Variants in TRAPPC6B observed in about 807,000 individuals in gnomAD.
TRAPPC6B encodes trafficking protein particle complex subunit 6B.
Under a neutral mutation model 24.7 loss-of-function variants are expected in TRAPPC6B, and 27 were observed. The ratio of observed to expected loss-of-function variants is 1.09; its 90% confidence interval spans 0.81 to 1.51. The LOEUF (loss-of-function observed/expected upper bound fraction) is 1.51, where lower values mean the gene tolerates loss of function less well. Among genes scored for constraint, TRAPPC6B ranks in the 40% most tolerant of loss-of-function variants. The pLI, the probability that TRAPPC6B is intolerant of heterozygous loss-of-function variation, is 0.00. For synonymous variants in TRAPPC6B, 80 were observed against 66.6 expected (o/e 1.20, Z -0.98); for missense variants, 212 against 190.8 (o/e 1.11, Z -0.66).
At chr14:39,163,782 G>T (rs1452196489) in intron 1 of TRAPPC6B, among the ~76,000 whole-genome samples, 1 of 150,880 alleles carries the variant, frequency 6.6e-6, no homozygotes, top group Non-Finnish European at 1.5e-5. Context: ...TTAAATCTGC[G>T]TTTCTAGTAC....
At chr14:39,168,777 A>C (rs181146355) in intron 1 of TRAPPC6B, among the ~76,000 whole-genome samples, 9 of 152,226 alleles carry the variant, frequency 5.9e-5, no homozygotes, top group Non-Finnish European at 8.8e-5. Context: ...TTTTCTCACT[A>C]TCCCTGTCTT....
chr14:39,164,007 G>A (rs1051749708), intron 1 of TRAPPC6B, among the ~76,000 whole-genome samples: 2 of 147,558 alleles, frequency 1.4e-5, no homozygotes, highest in Non-Finnish European at 2.9e-5. Context: ...GTAGTCCGGT[G>A]GAGCCTATCT....
intron 1 of TRAPPC6B, among the ~76,000 whole-genome samples, chr14:39,169,774 C>T (rs1308286270): frequency 2.0e-5 from 3 of 152,078 alleles, no homozygotes; most frequent in Non-Finnish European, 4.4e-5. Context: ...GCAAGACAAA[C>T]GTACGGGAAT....
At chr14:39,167,479 C>G (rs2053120225) in intron 1 of TRAPPC6B, among the ~76,000 whole-genome samples, 1 of 152,008 alleles carries the variant, frequency 6.6e-6, no homozygotes, top group African/African-American at 2.4e-5. Context: ...ACATAAACAA[C>G]ATAGTTTTTA....
intron 1 of TRAPPC6B, among the ~76,000 whole-genome samples, chr14:39,166,272 A>C (rs2053107971): frequency 6.8e-6 from 1 of 147,622 alleles, no homozygotes; most frequent in Admixed American, 6.8e-5. Context: ...AAAAAAAACA[A>C]AAAAACAAGT....
Position 39,150,259 on chromosome 14 carries a change from G to T in TRAPPC6B, c.*91C>A. On this transcript the variant is annotated 3_prime_UTR_variant, in exon 6 of 6. Transcript: ENST00000330149. ...ACATGCTTACTCCTGTACAAACATCGAACAATGTAATTAAATCATCACTAC... is the reference window on the plus strand; with the variant it reads ...ACATGCTTACTCCTGTACAAACATCTAACAATGTAATTAAATCATCACTAC... 6 of 1,108,730 alleles carry T rather than the reference G, an allele frequency of 5.4e-6. No individual in the cohort carries two copies. In the South Asian group the frequency reaches 7.1e-5, roughly 13 times the overall value. 68.7% of individuals were successfully genotyped at this position (1,108,730 alleles called of 1,614,324 possible). A position where few individuals can be genotyped will look rare whatever the true frequency, so the allele number is the denominator to read the frequency against.
intron 1 of TRAPPC6B, among the ~76,000 whole-genome samples, chr14:39,165,369 G>C (rs2053097913): frequency 6.6e-6 from 1 of 152,042 alleles, no homozygotes; most frequent in Admixed American, 6.6e-5. Flanking sequence ...TTCTGCTCAA[G>C]TATTACATTC....
chr14:39,157,474 G>A, intron 3 of TRAPPC6B: 1 of 367,160 alleles, frequency 2.7e-6, no homozygotes, highest in Non-Finnish European at 5.3e-6. Context: ...CCTCCGAGCA[G>A]GAGTTAACAC....
At chr14:39,150,404 T>A (rs753241814) in intron 5 of TRAPPC6B, 23 bp from the exon 6 acceptor site, 36 of 1,509,764 alleles carry the variant, frequency 2.4e-5, no homozygotes, top group Non-Finnish European at 3.2e-5. Flanking sequence ...ATACAAATAA[T>A]TCTTTGATTT....
Position 39,150,144 on chromosome 14 carries a change from C to A in TRAPPC6B, c.*206G>T. 2.1e-6 allele frequency: 1 copy of A among 465,906 alleles called. No individual in the cohort carries two copies. Among genetic ancestry groups the A allele is most frequent in the Non-Finnish European group, 3.7e-6 (1 of 268,964 alleles). The allele number at this position is 465,906 out of a possible 1,614,324, so 28.9% of individuals were successfully genotyped here. ...ATCTTGGTGTCTGGTTATTTGAAAT[C>A]CGGTTTTCATTTTGAATAGTTTTGG... On this transcript the variant is annotated 3_prime_UTR_variant, in exon 6 of 6. Transcript: ENST00000330149.
Position 39,164,670 on chromosome 14 carries a change from T to A in TRAPPC6B, c.82-5120A>T, listed in dbSNP as rs141784164. On this transcript the variant is annotated intron_variant, in intron 1 of 5. Coordinates refer to ENST00000330149, the MANE Select transcript of TRAPPC6B (RefSeq NM_001079537.2). ...TGGGCAACATAGTGAAACCTCATCT[T>A]TAAAAAAATTACAAAAATTAGGTGA... Among the ~76,000 whole-genome samples, 362 of 152,048 alleles carry A rather than the reference T, an allele frequency of 2.4e-3. 3 individuals are homozygous for A. Among genetic ancestry groups the A allele is most frequent in the African/African-American group, 8.1e-3 (335 of 41,466 alleles).
chr14:39,170,303 G>A lies in TRAPPC6B; in HGVS notation c.-208C>T, dbSNP rs1594549274. The A allele has an allele frequency of 1.7e-6, 1 of 571,824 alleles. No homozygotes were observed. The highest frequency in any genetic ancestry group is 3.1e-6 in the Non-Finnish European group (1 of 325,416). The allele number at this position is 571,824 out of a possible 1,614,324, so 35.4% of individuals were successfully genotyped here. On this transcript the variant is annotated 5_prime_UTR_variant, in exon 1 of 6. Transcript: ENST00000330149. ...TACTGGAGAGAGCCCACACTTCGGG[G>A]CTACCAAATCCTAGGGCCGAACTAA...
chr14:39,160,163 CT>C (rs1011878496), intron 1 of TRAPPC6B, among the ~76,000 whole-genome samples: 5 of 152,108 alleles, frequency 3.3e-5, no homozygotes, highest in African/African-American at 4.8e-5. Context: ...GGAAGGCCAT[CT>C]CTATAGAAGT....
intron 4 of TRAPPC6B, among the ~76,000 whole-genome samples, chr14:39,153,256 A>G (rs2052935952): frequency 1.4e-5 from 2 of 143,312 alleles, no homozygotes; most frequent in African/African-American, 5.5e-5. Flanking sequence ...CTCTGTCCGA[A>G]AAAAAAAAAA....
intron 4 of TRAPPC6B, among the ~76,000 whole-genome samples, chr14:39,153,438 G>A (rs958902689): frequency 2.7e-5 from 4 of 148,798 alleles, no homozygotes; most frequent in Non-Finnish European, 6.0e-5. Context: ...GACGAGCCTG[G>A]GCAACATCGT....
intron 5 of TRAPPC6B, among the ~76,000 whole-genome samples, chr14:39,151,382 T>G (rs1401989061): frequency 3.4e-5 from 3 of 87,160 alleles, no homozygotes; most frequent in Non-Finnish European, 6.0e-5. Context: ...AGAGCGAGAC[T>G]CCGTCTCAAA....
chr14:39,165,324 G>A (rs532715559), intron 1 of TRAPPC6B, among the ~76,000 whole-genome samples: 8 of 152,134 alleles, frequency 5.3e-5, no homozygotes, highest in Admixed American at 2.0e-4. Flanking sequence ...GGTTACAAGC[G>A]TGAGCCACCG....
chr14:39,151,943 T>A (rs2052920439), intron 4 of TRAPPC6B, 104 bp from the exon 5 acceptor site: 3 of 782,048 alleles, frequency 3.8e-6, no homozygotes, highest in Non-Finnish European at 6.0e-6. Flanking sequence ...GTCATTCCTG[T>A]TTAAAAAAAG....
rs1350526443 is a variant in TRAPPC6B at position 39,151,741 on chromosome 14, C to T, written c.445+5G>A. On this transcript the variant is annotated splice_donor_5th_base_variant and intron_variant, in intron 5 of 5. Transcript: ENST00000330149. ...ACATTTGTAAGAAAGGCGAATTCAA[C>T]TTACAAGCAGGCATTGAAGACACTT... The T allele has an allele frequency of 4.5e-6, 7 of 1,563,452 alleles. No homozygotes were observed. The highest frequency in any genetic ancestry group is 6.0e-6 in the Non-Finnish European group (7 of 1,159,670).
Sources: gnomAD v4.1 joint callset for allele counts (sites outside exome capture counted in the v4.1 genomes callset) on GRCh38, gnomAD v4.1.1 for gene constraint, MANE v1.5 for transcripts, NCBI Gene and HGNC (gene_info 2026-07-23, HGNC 2026-07-21) for gene names.